The following AGBL2 variants were observed in gnomAD, a reference collection of about 807,000 sequenced individuals.
AGBL2 encodes the protein AGBL carboxypeptidase 2, also known as cytosolic carboxypeptidase 2.
A neutral mutation model predicts 103.0 loss-of-function variants in AGBL2; 87 were observed. The ratio of observed to expected loss-of-function variants is 0.84; its 90% CI spans 0.71 to 1.01. The LOEUF (loss-of-function observed/expected upper bound fraction) is 1.01. Ranked by LOEUF, AGBL2 falls within the 50% of genes least tolerant of loss-of-function variation. AGBL2 has a pLI of 0.00. For missense variants in AGBL2, 904 were observed against 1,023.5 expected, an observed-to-expected ratio of 0.88 and a Z score of 1.59; for synonymous variants, 335 against 356.7, an observed-to-expected ratio of 0.94 and a Z score of 0.69.
rs929931400 is a variant in AGBL2 at position 47,666,731 on chromosome 11, T to G, written c.2448+225A>C. The G allele has an allele frequency of 6.5e-6, 4 of 612,080 alleles. No individual in the cohort carries two copies. In the Admixed American group the frequency reaches 1.2e-4, roughly 18 times the overall value. The allele number at this position is 612,080 out of a possible 1,614,324, so 37.9% of individuals were successfully genotyped here. On this transcript the variant is annotated intron_variant, in intron 17 of 18. Transcript: ENST00000525123. ...GTAAGGCAGCCTGTTCTTATGTTCT[T>G]GGTGTAAAATCACAAATCACCAATA... is the stretch of plus-strand genomic sequence containing the variant.
At chr11:47,662,787 C>T (rs1176924681) in intron 18 of AGBL2, among the ~76,000 whole-genome samples, 1 of 152,166 alleles carries the variant, frequency 6.6e-6, no homozygotes, top group Non-Finnish European at 1.5e-5. Flanking sequence ...AGCCACTGTG[C>T]CCGGCCTAAA....
rs764981922 is a variant in AGBL2, at chr11:47,690,453, C to A, written c.1254G>T (p.Gln418His). 13 of 1,614,106 alleles carry A rather than the reference C, an allele frequency of 8.1e-6. No individual in the cohort carries two copies. The highest frequency in any genetic ancestry group is 1.1e-5 in the Non-Finnish European group (13 of 1,180,026). ...LSVANNPIQSQFCKLQTLCRS... is the reference protein window; with the variant it reads ...LSVANNPIQSHFCKLQTLCRS... The stretch of plus-strand genomic sequence containing the variant: ...TGCATAAAGTTTGGAGCTTGCAGAA[C>A]TGAGACTGGATAGGGTTGTTTGCCA... The change falls in exon 10 of 19, where the codon CAG becomes CAT. Residue 418 changes from glutamine (Q) to histidine (H), a missense_variant. Gln to His is a conservative substitution (Grantham distance 24). Transcript: ENST00000525123.
chr11:47,660,230 C>A lies in AGBL2; in HGVS notation c.2652G>T (p.Lys884Asn). 1 of 1,614,248 alleles carries A rather than the reference C, an allele frequency of 6.2e-7. No individual in the cohort carries two copies. Among genetic ancestry groups the A allele is most frequent in the Non-Finnish European group, 8.5e-7 (1 of 1,180,058 alleles). ...NWPRSRYPAT[K>N]RGCAAMAAYP... is the part of the protein sequence containing the mutation. ...ATGCCGCCATGGCAGCACAGCCTCT[C>A]TTTGTGGCAGGATATCTGCTCCTAG... is the stretch of plus-strand genomic sequence containing the variant. Residue 884 changes from lysine (K) to asparagine (N), a missense_variant, in exon 19 of 19, where the codon AAG (lysine) becomes AAT (asparagine). Coordinates refer to ENST00000525123, the MANE Select transcript of AGBL2 (RefSeq NM_024783.4).
intron 8 of AGBL2, among the ~76,000 whole-genome samples, chr11:47,698,642 A>G (rs1352911637): frequency 6.6e-6 from 1 of 152,104 alleles, no homozygotes; most frequent in Non-Finnish European, 1.5e-5. Flanking sequence ...GCACTGGTTC[A>G]TTTTGTTTTG....
chr11:47,705,663 A>G, intron 5 of AGBL2, 29 bp from the exon 6 acceptor site: 1 of 593,638 alleles, frequency 1.7e-6, no homozygotes, highest in Non-Finnish European at 3.0e-6. Flanking sequence ...AAAAAGAAAA[A>G]GAAAAAGAAG....
Position 47,690,525 on chromosome 11 carries a change from G to C in AGBL2, c.1182C>G (p.His394Gln), listed in dbSNP as rs750135612. 1 of 1,614,064 alleles carries C rather than the reference G, an allele frequency of 6.2e-7. No homozygotes were observed. Among genetic ancestry groups the C allele is most frequent in the African/African-American group, 1.3e-5 (1 of 74,934 alleles). The change falls in exon 10 of 19, where the codon CAC becomes CAG. Residue 394 changes from histidine (H) to glutamine (Q), a missense_variant. Transcript: ENST00000525123. ...PYDQDTCFFA[H>Q]FYPYTYTDLQ... ...AATCAGTGTATGTATATGGGTAGAAGTGTGCAAAGAAGCAAGTGTCCTGGT... is the reference window on the plus strand; with the variant it reads ...AATCAGTGTATGTATATGGGTAGAACTGTGCAAAGAAGCAAGTGTCCTGGT...
intron 14 of AGBL2, among the ~76,000 whole-genome samples, chr11:47,671,476 C>G (rs775183455): frequency 6.6e-6 from 1 of 151,972 alleles, no homozygotes; most frequent in South Asian, 2.1e-4. Flanking sequence ...TGCAGTGAGC[C>G]GAGATCGCAC....
chr11:47,713,237 G>A (rs1018959425), intron 3 of AGBL2, among the ~76,000 whole-genome samples: 2 of 151,838 alleles, frequency 1.3e-5, no homozygotes, highest in African/African-American at 2.4e-5. Context: ...CCAGCTACTT[G>A]GGAGGCTGAG....
At chr11:47,663,548 T>C (rs1449474072) in intron 17 of AGBL2, among the ~76,000 whole-genome samples, 3 of 151,144 alleles carry the variant, frequency 2.0e-5, no homozygotes, top group Admixed American at 1.3e-4. Flanking sequence ...GAGGCCTCAT[T>C]ATAGTATTCT....
rs747061456 is a variant in AGBL2, at chr11:47,714,637, A to G, written c.14T>C (p.Leu5Ser). 6.8e-6 allele frequency: 11 copies of G among 1,613,920 alleles called. No homozygotes were observed. Among genetic ancestry groups the G allele is most frequent in the Non-Finnish European group, 9.3e-6 (11 of 1,179,996 alleles). The change falls in exon 2 of 19, where the codon TTG becomes TCG. Residue 5 changes from leucine (L) to serine (S), a missense_variant. Transcript: ENST00000525123. ...ACCGACCTGCTTTAGGTGCGTTTCC[A>G]AAGCTGGGAACATGTTACTTCTGGA... Reference protein sequence around the residue: MFPALETHLKQTIPD... With the variant: MFPASETHLKQTIPD...
In AGBL2 at chr11:47,685,879, C is replaced by T; in HGVS notation, c.1788+14G>A. The T allele has an allele frequency of 6.2e-7, 1 of 1,611,426 alleles. No homozygotes were observed. The highest frequency in any genetic ancestry group is 1.1e-5 in the South Asian group (1 of 90,754). On this transcript the variant is annotated intron_variant, in intron 11 of 18. Coordinates refer to ENST00000525123, the MANE Select transcript of AGBL2 (RefSeq NM_024783.4). The stretch of plus-strand genomic sequence containing the variant: ...CCCTAACTCAATGGAGAGAAAATTA[C>T]ATTATGTGCTTACCTTATCTGGTGC...
intron 4 of AGBL2, among the ~76,000 whole-genome samples, chr11:47,709,875 C>T (rs1240009340): frequency 1.3e-5 from 2 of 151,296 alleles, no homozygotes; most frequent in African/African-American, 2.4e-5. Flanking sequence ...AGGCGTGAGC[C>T]ACGATGCCAG....
chr11:47,675,753 C>T (rs981663760), intron 14 of AGBL2, among the ~76,000 whole-genome samples: 5 of 152,018 alleles, frequency 3.3e-5, no homozygotes, highest in South Asian at 2.1e-4. Flanking sequence ...CGCTTGTAAT[C>T]GCAGCACTTT....
intron 3 of AGBL2, among the ~76,000 whole-genome samples, chr11:47,712,379 A>G: frequency 6.6e-6 from 1 of 152,232 alleles, no homozygotes; most frequent in East Asian, 1.9e-4. Flanking sequence ...TCTTATTTCA[A>G]TATACCAGTA....
chr11:47,690,572 A>G lies in AGBL2; in HGVS notation c.1135T>C (p.Trp379Arg), dbSNP rs768557222. 4 of 1,614,210 alleles carry G rather than the reference A, an allele frequency of 2.5e-6. No homozygotes were observed. In the South Asian group the frequency reaches 4.4e-5, roughly 18 times the overall value. ...DGQQPFYCLT[W>R]TIQFPYDQDT... ...TGGTCATATGGAAACTGAATGGTCC[A>G]CGTGAGACAGTAGAAGGGCTGCTGC... Residue 379 changes from tryptophan (W) to arginine (R), a missense_variant, in exon 10 of 19, where the codon TGG (tryptophan) becomes CGG (arginine). Transcript: ENST00000525123.
intron 12 of AGBL2, among the ~76,000 whole-genome samples, chr11:47,681,016 G>C (rs2097399269): frequency 6.6e-6 from 1 of 152,048 alleles, no homozygotes; most frequent in Non-Finnish European, 1.5e-5. Context: ...TACAATGCAA[G>C]TACTATTATT....
At position 47,665,247 on chromosome 11, in the gene AGBL2, A is replaced by G. The variant is rs572814706; in HGVS notation, c.2448+1709T>C. On this transcript the variant is annotated intron_variant, in intron 17 of 18. Transcript: ENST00000525123. ...TTTTTAGTAGAGGTGGGGTTTCACC[A>G]TGTTGGCCAGGCTGGTCTTGAACTC... Among the ~76,000 whole-genome samples, 5 of 151,656 alleles carry G rather than the reference A, an allele frequency of 3.3e-5. No homozygotes were observed. In the East Asian group the frequency reaches 9.8e-4, roughly 30 times the overall value.
In AGBL2 at chr11:47,690,341, C is replaced by T. The variant is rs1454692256; in HGVS notation, c.1366G>A (p.Val456Ile). The T allele has an allele frequency of 1.2e-6, 2 of 1,613,954 alleles. No homozygotes were observed. Among genetic ancestry groups the T allele is most frequent in the Non-Finnish European group, 1.7e-6 (2 of 1,179,914 alleles). ...PQEAAAKKAV[V>I]LSARVHPGES... The stretch of plus-strand genomic sequence containing the variant: ...CCAGGGTGAACTCTGGCACTCAAGA[C>T]CACAGCTTTCTTTGCAGCTGCCTCT... Residue 456 changes from valine (V) to isoleucine (I), a missense_variant, in exon 10 of 19, where the codon GTC (valine) becomes ATC (isoleucine). Physicochemically the swap from Val to Ile is conservative, Grantham distance 29. Coordinates refer to ENST00000525123, the MANE Select transcript of AGBL2 (RefSeq NM_024783.4).
intron 2 of AGBL2, 50 bp from the exon 3 acceptor site, chr11:47,714,397 T>C (rs750788178): frequency 5.1e-6 from 8 of 1,553,896 alleles, no homozygotes; most frequent in African/African-American, 1.4e-5. Context: ...CAAACCATAA[T>C]AGACTCAACA....
Sources: allele counts gnomAD v4.1 joint callset (sites outside exome capture counted in the v4.1 genomes callset), GRCh38; gene constraint gnomAD v4.1.1; transcripts MANE v1.5; gene names NCBI Gene and HGNC (gene_info 2026-07-23, HGNC 2026-07-21).